PISD: variants seen among roughly 807,000 people sequenced by gnomAD.
PISD encodes phosphatidylserine decarboxylase.
In PISD, 31 loss-of-function variants were observed where a neutral mutation model predicts 43.5. That is an observed-to-expected ratio of 0.71 (90% CI 0.54 to 0.96). PISD has a LOEUF of 0.96. Ranked by LOEUF, PISD falls within the 40% of genes least tolerant of loss-of-function variation. PISD has a pLI of 0.00. For synonymous variants in PISD, 259 were observed against 228.7 expected (o/e 1.13, Z -1.20); for missense variants, 523 against 548.4 (o/e 0.95, Z 0.46).
chr22:31,648,513 A>T (rs2073943748), intron 2 of PISD, among the ~76,000 whole-genome samples: 1 of 151,992 alleles, frequency 6.6e-6, no homozygotes, highest in Non-Finnish European at 1.5e-5. Context: ...AAAATACAAA[A>T]AGAAAACTTA....
chr22:31,621,250 C>T, intron 5 of PISD, 84 bp downstream of exon 5: 1 of 1,609,904 alleles, frequency 6.2e-7, no homozygotes, highest in East Asian at 2.2e-5. Context: ...ATGCCAGCCT[C>T]AGTTCCTTCC....
intron 3 of PISD, chr22:31,628,054 T>G (rs2073004510): frequency 1.0e-6 from 1 of 985,458 alleles, no homozygotes; most frequent in Non-Finnish European, 1.2e-6. Flanking sequence ...TAGATCCTTG[T>G]CTTTATCACT....
chr22:31,662,044 C>T, intron 1 of PISD, 100 bp downstream of exon 1: 1 of 1,097,678 alleles, frequency 9.1e-7, no homozygotes, highest in Non-Finnish European at 1.4e-6. Flanking sequence ...CACCCGAGCT[C>T]GCCTCAGAGC....
rs140182005 is a variant in PISD at position 31,636,396 on chromosome 22, C to T, written c.321+11705G>A. ...CTTTCCTGCACTGCTGCTCCCCAAA[C>T]ACCTCAGCCCTTGCCACAAGCCCCC... is the stretch of plus-strand genomic sequence containing the variant. On this transcript the variant is annotated intron_variant, in intron 3 of 7. Coordinates refer to ENST00000439502, the MANE Select transcript of PISD (RefSeq NM_001326411.2). Among the ~76,000 whole-genome samples, 18 of 152,352 alleles carry T rather than the reference C, an allele frequency of 1.2e-4. No individual in the cohort carries two copies. In the East Asian group the frequency reaches 3.5e-3, roughly 29 times the overall value.
rs1282467145 is a variant in PISD at position 31,630,932 on chromosome 22, A to AC, written c.322-9048dup. 4.5e-6 allele frequency: 4 copies of AC among 883,670 alleles called. No individual in the cohort carries two copies. Among genetic ancestry groups the AC allele is most frequent in the Admixed American group, 6.2e-5 (1 of 16,152 alleles). 54.7% of individuals were successfully genotyped at this position (883,670 alleles called of 1,614,324 possible). A position where few individuals can be genotyped will look rare whatever the true frequency, so the allele number is the denominator to read the frequency against. On this transcript the variant is annotated intron_variant, in intron 3 of 7. Coordinates refer to ENST00000439502, the MANE Select transcript of PISD (RefSeq NM_001326411.2). The surrounding 1 kb of genome is among the most constrained non-coding windows in gnomAD (Gnocchi z 4.4). ...TACCAGGGGCGGGGGCAGGAGGCCG[A>AC]CCCCAGCCACCCTTAAAGCTGCCGC...
At chr22:31,645,184 C>T (rs2073848072) in intron 3 of PISD, among the ~76,000 whole-genome samples, 2 of 152,078 alleles carry the variant, frequency 1.3e-5, no homozygotes, top group Admixed American at 6.6e-5. Context: ...ATAAAGTTAC[C>T]CGCAGGCTAT....
chr22:31,658,980 G>A (rs1199875771), intron 1 of PISD, among the ~76,000 whole-genome samples: 1 of 151,556 alleles, frequency 6.6e-6, no homozygotes, highest in Non-Finnish European at 1.5e-5. Flanking sequence ...CAGCCTCCCA[G>A]GTGGCTGGGA....
upstream of PISD, chr22:31,662,447 C>T (rs147404981): frequency 8.2e-5 from 45 of 546,202 alleles, no homozygotes; most frequent in East Asian, 1.4e-3. Context: ...GCCACTCCTC[C>T]TCCTTCCCTC....
intron 3 of PISD, chr22:31,623,887 C>G: frequency 6.3e-7 from 1 of 1,592,786 alleles, no homozygotes; most frequent in Admixed American, 1.7e-5. Context: ...AGGTCAGTGG[C>G]CAGGCTCTGG....
chr22:31,646,359 G>T (rs5998066), intron 3 of PISD, among the ~76,000 whole-genome samples: 1 of 152,086 alleles, frequency 6.6e-6, no homozygotes, highest in African/African-American at 2.4e-5. Flanking sequence ...TTAGGCCACT[G>T]TACTCCAGTG....
intron 1 of PISD, among the ~76,000 whole-genome samples, chr22:31,652,896 G>A (rs574803503): frequency 2.0e-5 from 3 of 151,906 alleles, no homozygotes; most frequent in African/African-American, 4.8e-5. Flanking sequence ...AAAATTAGCC[G>A]GGCATGGTGG....
At chr22:31,638,957 AC>A (rs1365731415) in intron 3 of PISD, among the ~76,000 whole-genome samples, 1 of 150,224 alleles carries the variant, frequency 6.7e-6, no homozygotes, top group African/African-American at 2.5e-5. Context: ...ACACCACTGC[AC>A]TCCAGACTGG....
At chr22:31,659,839 C>T (rs887994851) in intron 1 of PISD, among the ~76,000 whole-genome samples, 1 of 152,186 alleles carries the variant, frequency 6.6e-6, no homozygotes, top group African/African-American at 2.4e-5. Context: ...ACCTTGGCCT[C>T]CCAAAGTGCT....
chr22:31,642,303 G>A (rs2073757594), intron 3 of PISD, among the ~76,000 whole-genome samples: 1 of 150,696 alleles, frequency 6.6e-6, no homozygotes, highest in African/African-American at 2.5e-5. Flanking sequence ...AAAATTAGCT[G>A]AGTGTGGTGG....
chr22:31,621,617 G>C, intron 4 of PISD, 32 bp downstream of exon 4: 1 of 1,599,876 alleles, frequency 6.3e-7, no homozygotes, highest in Non-Finnish European at 8.6e-7. Flanking sequence ...AAAAAGTCCT[G>C]TTTCCTGCAG....
At chr22:31,621,616 T>C in intron 4 of PISD, 33 bp downstream of exon 4, 2 of 1,603,850 alleles carry the variant, frequency 1.2e-6, no homozygotes, top group Non-Finnish European at 1.7e-6. Flanking sequence ...GAAAAAGTCC[T>C]GTTTCCTGCA....
chr22:31,633,386 A>G (rs999025568), intron 3 of PISD, among the ~76,000 whole-genome samples: 4 of 152,184 alleles, frequency 2.6e-5, no homozygotes, highest in African/African-American at 9.7e-5. Context: ...ATTGCTTTTT[A>G]GCCATTCTAA....
In PISD at chr22:31,639,897, T is replaced by G. The variant is rs543370657; in HGVS notation, c.321+8204A>C. 5.9e-5 allele frequency among the ~76,000 whole-genome samples: 9 copies of G among 152,234 alleles called. No individual in the cohort carries two copies. In the East Asian group the frequency reaches 1.7e-3, roughly 29 times the overall value. ...GAACACTCAGGCCAAGAACCAAGAA[T>G]GTTCCCAGGACATCATGAGTTCCTG... On this transcript the variant is annotated intron_variant, in intron 3 of 7. Transcript: ENST00000439502.
At chr22:31,620,230 C>G (rs28760352) in intron 7 of PISD, among the ~76,000 whole-genome samples, 1 of 152,218 alleles carries the variant, frequency 6.6e-6, no homozygotes, top group Non-Finnish European at 1.5e-5. Flanking sequence ...TGAGCCACCC[C>G]GAGCTCAACA....
Sources: allele counts gnomAD v4.1 joint callset (sites outside exome capture counted in the v4.1 genomes callset), GRCh38; gene constraint gnomAD v4.1.1; non-coding constraint Gnocchi (gnomAD v3.1); transcripts MANE v1.5; gene names NCBI Gene and HGNC (gene_info 2026-07-23, HGNC 2026-07-21).